Variants in EIF4G3 observed in about 807,000 individuals in gnomAD.
EIF4G3 encodes the protein eukaryotic translation initiation factor 4 gamma 3, also known as eIF-4-gamma 3.
Under a neutral mutation model 186.4 loss-of-function variants are expected in EIF4G3, and 34 were observed. That is an observed-to-expected ratio of 0.18 (90% CI 0.14 to 0.24). The LOEUF is 0.24. EIF4G3 is among the 10% of genes least tolerant of loss of function. The probability of loss-of-function intolerance (pLI) is 1.00; values close to 1 mark genes in which losing one functional copy is unlikely to be tolerated. For synonymous variants in EIF4G3, 673 were observed against 679.5 expected (o/e 0.99, Z 0.15); for missense variants, 1,536 against 1,948.5 (o/e 0.79, Z 3.99).
intron 4 of EIF4G3, among the ~76,000 whole-genome samples, chr1:21,004,278 C>A (rs574306090): frequency 2.0e-5 from 3 of 152,270 alleles, no homozygotes; most frequent in African/African-American, 7.2e-5. Flanking sequence ...ACACACGGCT[C>A]ATTTACCATA....
intron 3 of EIF4G3, among the ~76,000 whole-genome samples, chr1:21,076,215 C>T (rs1211784360): frequency 6.6e-6 from 1 of 152,110 alleles, no homozygotes; most frequent in Admixed American, 6.5e-5. Flanking sequence ...TGTACAAATA[C>T]ATGGAAATTA....
At chr1:20,846,224 C>G (rs1274855302) in intron 29 of EIF4G3, among the ~76,000 whole-genome samples, 3 of 152,118 alleles carry the variant, frequency 2.0e-5, no homozygotes, top group Admixed American at 6.6e-5. Context: ...AGGTTCATGT[C>G]ATCTGCAAAC....
At chr1:20,864,743 G>C in intron 21 of EIF4G3, 31 bp from the exon 22 acceptor site, 1 of 1,552,748 alleles carries the variant, frequency 6.4e-7, no homozygotes, top group South Asian at 1.1e-5. Flanking sequence ...ATAGCATCTT[G>C]ATGATGAAAG....
intron 11 of EIF4G3, 98 bp downstream of exon 11, chr1:20,972,904 T>G: frequency 1.1e-6 from 1 of 947,002 alleles, no homozygotes. Context: ...AAAGGCACAG[T>G]AATTTGTGAA....
At chr1:21,108,003 C>T (rs1213176230) in intron 2 of EIF4G3, among the ~76,000 whole-genome samples, 3 of 152,166 alleles carry the variant, frequency 2.0e-5, no homozygotes, top group African/African-American at 7.2e-5. Flanking sequence ...ACAAAATTAG[C>T]CAGGCGCAGT....
chr1:20,946,295 A>G (rs2095945341), intron 13 of EIF4G3, among the ~76,000 whole-genome samples: 1 of 152,208 alleles, frequency 6.6e-6, no homozygotes, highest in South Asian at 2.1e-4. Context: ...TAAGGCACCA[A>G]CTAACTCCTT....
intron 8 of EIF4G3, among the ~76,000 whole-genome samples, chr1:20,981,979 T>C (rs1213009535): frequency 6.6e-6 from 1 of 152,162 alleles, no homozygotes; most frequent in Non-Finnish European, 1.5e-5. Context: ...ATTTATAAAA[T>C]ACTTAGAAGA....
At chr1:20,987,996 G>C (rs114003638) in intron 7 of EIF4G3, among the ~76,000 whole-genome samples, 14 of 152,328 alleles carry the variant, frequency 9.2e-5, no homozygotes, top group Non-Finnish European at 1.2e-4. Context: ...CAGCCTTATT[G>C]CTGATATGGA....
intron 2 of EIF4G3, among the ~76,000 whole-genome samples, chr1:21,173,250 G>A (rs75938443): frequency 0.029 from 4,328 of 150,914 alleles, 131 homozygotes; most frequent in East Asian, 0.14. Flanking sequence ...AGGCTGGAGC[G>A]CAGTGGTGCA....
chr1:20,856,061 C>G (rs536716174), intron 25 of EIF4G3, among the ~76,000 whole-genome samples: 1 of 152,234 alleles, frequency 6.6e-6, no homozygotes, highest in Non-Finnish European at 1.5e-5. Context: ...AAAACTGTCT[C>G]TAGATGGAAA....
intron 2 of EIF4G3, among the ~76,000 whole-genome samples, chr1:21,158,803 A>G (rs113020198): frequency 1.1e-3 from 162 of 152,276 alleles, no homozygotes; most frequent in African/African-American, 3.8e-3. Flanking sequence ...AAAGATAACT[A>G]GAGTACATTT....
chr1:20,948,123 C>A (rs1400535817), intron 13 of EIF4G3, among the ~76,000 whole-genome samples: 1 of 152,124 alleles, frequency 6.6e-6, no homozygotes, highest in Non-Finnish European at 1.5e-5. Flanking sequence ...ATTCAATATG[C>A]TTAGCATAAT....
At chr1:21,136,329 C>G (rs1472469947) in intron 2 of EIF4G3, among the ~76,000 whole-genome samples, 3 of 151,720 alleles carry the variant, frequency 2.0e-5, no homozygotes, top group African/African-American at 7.3e-5. Flanking sequence ...CCAACCTGAC[C>G]AACATGGTGA....
chr1:21,053,212 G>A (rs2094352925), intron 3 of EIF4G3, among the ~76,000 whole-genome samples: 1 of 151,936 alleles, frequency 6.6e-6, no homozygotes, highest in Non-Finnish European at 1.5e-5. Flanking sequence ...GGGATGTGAG[G>A]AGCGTCTCTG....
At chr1:21,082,152 C>T (rs972587560) in intron 3 of EIF4G3, among the ~76,000 whole-genome samples, 4 of 147,512 alleles carry the variant, frequency 2.7e-5, no homozygotes, top group Non-Finnish European at 5.9e-5. Flanking sequence ...TGTAAAATGA[C>T]GGACATTAGT....
intron 30 of EIF4G3, among the ~76,000 whole-genome samples, chr1:20,831,540 C>CT (rs560510994): frequency 9.0e-4 from 119 of 132,190 alleles, no homozygotes; most frequent in Middle Eastern, 4.4e-3. Context: ...TTGCATTTTT[C>CT]TTTTTTTTTT....
intron 3 of EIF4G3, among the ~76,000 whole-genome samples, chr1:21,084,657 C>T (rs1365854576): frequency 1.3e-5 from 2 of 152,146 alleles, no homozygotes; most frequent in Non-Finnish European, 2.9e-5. Flanking sequence ...GAGCTCACTC[C>T]TATCTCTGGG....
intron 20 of EIF4G3, among the ~76,000 whole-genome samples, chr1:20,873,407 A>G (rs1221027450): frequency 6.6e-6 from 1 of 152,356 alleles, no homozygotes; most frequent in East Asian, 1.9e-4. Context: ...TATGGCAGAA[A>G]AACTTCAGCT....
At chr1:20,911,618 G>A (rs1223091505) in intron 14 of EIF4G3, among the ~76,000 whole-genome samples, 1 of 144,094 alleles carries the variant, frequency 6.9e-6, no homozygotes, top group Non-Finnish European at 1.5e-5. Flanking sequence ...ACATAAGACA[G>A]GTAAATCTTT....
Sources: allele counts gnomAD v4.1 joint callset (sites outside exome capture counted in the v4.1 genomes callset), GRCh38; gene constraint gnomAD v4.1.1; transcripts MANE v1.5; gene names NCBI Gene and HGNC (gene_info 2026-07-23, HGNC 2026-07-21).